Variants in THSD7B observed in about 807,000 individuals in gnomAD.
THSD7B encodes thrombospondin type-1 domain-containing protein 7B.
A neutral mutation model predicts 213.6 loss-of-function variants in THSD7B; 138 were observed. The observed-to-expected ratio is 0.65, with a 90% confidence interval of 0.56 to 0.74. The LOEUF is 0.74. Ranked by LOEUF, THSD7B falls within the 30% of genes least tolerant of loss-of-function variation. The pLI is 0.00. For missense variants in THSD7B, 1,931 were observed against 1,991.5 expected, an observed-to-expected ratio of 0.97 and a Z score of 0.58; for synonymous variants, 742 against 687.0, an observed-to-expected ratio of 1.08 and a Z score of -1.25.
At position 137,490,178 on chromosome 2, in the gene THSD7B, A is replaced by C. The variant is rs1046103502; in HGVS notation, c.3138+39155A>C. On this transcript the variant is annotated intron_variant, in intron 15 of 27. Transcript: ENST00000409968. ...AATTGGCCACTAGAATTCATTCAGC[A>C]TGCAAAGGATACCCATTAAGTCTCA... Among the ~76,000 whole-genome samples, 3 of 152,228 alleles carry C rather than the reference A, an allele frequency of 2.0e-5. No homozygotes were observed. The East Asian group carries it at 5.8e-4, about 29-fold the overall frequency.
chr2:136,864,540 A>T (rs557533046), intron 1 of THSD7B, among the ~76,000 whole-genome samples: 19 of 150,878 alleles, frequency 1.3e-4, no homozygotes, highest in South Asian at 6.3e-4. Flanking sequence ...CTTTTTTATC[A>T]TTTTCTATAT....
chr2:137,619,946 T>C (rs749873375), intron 19 of THSD7B, among the ~76,000 whole-genome samples: 1 of 152,158 alleles, frequency 6.6e-6, no homozygotes, highest in Non-Finnish European at 1.5e-5. Context: ...AGCACAGAAA[T>C]AGTGTGTTAT....
chr2:137,381,722 A>G (rs1323455048), intron 12 of THSD7B, among the ~76,000 whole-genome samples: 1 of 152,218 alleles, frequency 6.6e-6, no homozygotes, highest in African/African-American at 2.4e-5. Flanking sequence ...AAGCAGCCCA[A>G]TGAAGTACTC....
intron 12 of THSD7B, among the ~76,000 whole-genome samples, chr2:137,318,786 CTTTTTTTTTTT>C (rs70978212): frequency 1.4e-5 from 1 of 73,660 alleles, no homozygotes. Flanking sequence ...GAATGCTTAT[CTTTTTTTTTTT>C]TTTTTTTTTT....
At chr2:137,426,660 G>C (rs1378737686) in intron 14 of THSD7B, among the ~76,000 whole-genome samples, 1 of 152,064 alleles carries the variant, frequency 6.6e-6, no homozygotes, top group African/African-American at 2.4e-5. Flanking sequence ...ACTCAAAATA[G>C]TTTAAAGATT....
intron 7 of THSD7B, among the ~76,000 whole-genome samples, chr2:137,175,981 C>T (rs1680350530): frequency 6.6e-6 from 1 of 152,142 alleles, no homozygotes; most frequent in African/African-American, 2.4e-5. Flanking sequence ...TATTTTTAAA[C>T]TCTTCGATTA....
At chr2:136,903,666 T>G (rs554593) in intron 2 of THSD7B, among the ~76,000 whole-genome samples, 60,494 of 151,946 alleles carry the variant, frequency 0.4, 14,253 homozygotes, top group Non-Finnish European at 0.54. Context: ...GATCAGTGAT[T>G]CTAAGTTGCA....
At chr2:137,436,029 A>C in intron 14 of THSD7B, among the ~76,000 whole-genome samples, 1 of 151,946 alleles carries the variant, frequency 6.6e-6, no homozygotes, top group East Asian at 1.9e-4. Context: ...CAGTTTCATA[A>C]TTTCCCCTTT....
intron 14 of THSD7B, among the ~76,000 whole-genome samples, chr2:137,415,055 C>CCAAAAAAAA (rs1686762563): frequency 8.1e-6 from 1 of 122,806 alleles, no homozygotes. Flanking sequence ...GACCCTGTCT[C>CCAAAAAAAA]AAAAAAAAAA....
intron 2 of THSD7B, among the ~76,000 whole-genome samples, chr2:136,949,401 A>T (rs2105070034): frequency 6.6e-6 from 1 of 152,352 alleles, no homozygotes; most frequent in East Asian, 1.9e-4. Context: ...GATGTAAAAG[A>T]AAACTCCAGA....
At chr2:136,985,697 G>A (rs556930859) in intron 2 of THSD7B, among the ~76,000 whole-genome samples, 1 of 152,324 alleles carries the variant, frequency 6.6e-6, no homozygotes, top group African/African-American at 2.4e-5. Context: ...CCTCAACAGG[G>A]TACTGCCTGG....
chr2:136,859,139 G>C lies in THSD7B; in HGVS notation c.-35-23005G>C, dbSNP rs79797872. 4.0e-3 allele frequency among the ~76,000 whole-genome samples: 602 copies of C among 152,298 alleles called. 21 individuals are homozygous for C. In the East Asian group the frequency reaches 0.087, roughly 22 times the overall value. The stretch of plus-strand genomic sequence containing the variant: ...TGCTACCAATCAACTTACTATTTCT[G>C]TACTTGTGAGATGTTAACAGCTTAC... On this transcript the variant is annotated intron_variant, in intron 1 of 27. Coordinates refer to ENST00000409968, the MANE Select transcript of THSD7B (RefSeq NM_001316349.2).
At chr2:136,961,633 G>A (rs1161299568) in intron 2 of THSD7B, among the ~76,000 whole-genome samples, 1 of 152,040 alleles carries the variant, frequency 6.6e-6, no homozygotes, top group Non-Finnish European at 1.5e-5. Flanking sequence ...ATGTCCAACT[G>A]GAAACAAGGA....
At chr2:136,837,146 A>T (rs1278606150) in intron 1 of THSD7B, among the ~76,000 whole-genome samples, 1 of 152,128 alleles carries the variant, frequency 6.6e-6, no homozygotes, top group East Asian at 1.9e-4. Context: ...CTCTATATTC[A>T]TCATGAATCA....
intron 12 of THSD7B, among the ~76,000 whole-genome samples, chr2:137,299,058 G>A (rs1011155962): frequency 1.3e-5 from 2 of 152,112 alleles, no homozygotes; most frequent in African/African-American, 4.8e-5. Flanking sequence ...CATGAAGGCA[G>A]CCAGAAGGGA....
intron 17 of THSD7B, among the ~76,000 whole-genome samples, chr2:137,600,863 A>C (rs1682063918): frequency 6.6e-6 from 1 of 152,236 alleles, no homozygotes; most frequent in South Asian, 2.1e-4. Context: ...ATTGCCCCTG[A>C]AGACCTTCTA....
Position 137,057,225 on chromosome 2 carries a change from G to T in THSD7B, c.945G>T (p.Met315Ile), listed in dbSNP as rs141138030. The stretch of plus-strand genomic sequence containing the variant: ...CAAGAAGTGATGGACAAAATGCTAT[G>T]TTAAGGTAGGAGACCTTTGATGCTT... ...SCTRSDGQNAMLSLCLQDSFP... is the reference protein window; with the variant it reads ...SCTRSDGQNAILSLCLQDSFP... The change falls in exon 3 of 28, where the codon ATG becomes ATT. Residue 315 changes from methionine to isoleucine, a missense_variant. Physicochemically the swap from Met to Ile is conservative, Grantham distance 10. Transcript: ENST00000409968. 5.3e-5 allele frequency: 85 copies of T among 1,606,512 alleles called. No individual in the cohort carries two copies. Among genetic ancestry groups the T allele is most frequent in the Non-Finnish European group, 6.7e-5 (79 of 1,175,522 alleles).
intron 12 of THSD7B, among the ~76,000 whole-genome samples, chr2:137,341,534 C>A (rs1389553528): frequency 6.6e-6 from 1 of 151,480 alleles, no homozygotes; most frequent in Non-Finnish European, 1.5e-5. Flanking sequence ...AGATCAATGT[C>A]ATGTAGTTTT....
Position 136,878,319 on chromosome 2 carries a change from G to C in THSD7B, c.-35-3825G>C, listed in dbSNP as rs180687678. On this transcript the variant is annotated intron_variant, in intron 1 of 27. Transcript: ENST00000409968. Reference sequence around the variant, plus strand: ...CATTTTCTTAATCCAGGCTATCATTGATGGACATTTGGGTTGGTTCCAAGT... The same window carrying C: ...CATTTTCTTAATCCAGGCTATCATTCATGGACATTTGGGTTGGTTCCAAGT... 1.9e-3 allele frequency among the ~76,000 whole-genome samples: 287 copies of C among 152,294 alleles called. 1 individual carries two copies. The highest frequency in any genetic ancestry group is 6.3e-3 in the Admixed American group (96 of 15,288).
Sources: gnomAD v4.1 joint callset for allele counts (sites outside exome capture counted in the v4.1 genomes callset) on GRCh38, gnomAD v4.1.1 for gene constraint, MANE v1.5 for transcripts, NCBI Gene and HGNC (gene_info 2026-07-23, HGNC 2026-07-21) for gene names.